TENM3: variants seen among roughly 807,000 people sequenced by gnomAD.
The protein encoded by TENM3 is teneurin transmembrane protein 3, also known as teneurin-3.
A neutral mutation model predicts 255.1 loss-of-function variants in TENM3; 63 were observed. The ratio of observed to expected loss-of-function variants is 0.25; its 90% confidence interval spans 0.20 to 0.30. TENM3 has a LOEUF of 0.30. Ranked by LOEUF, TENM3 falls within the 10% of genes least tolerant of loss-of-function variation. TENM3 has a pLI of 1.00. For missense variants in TENM3, 2,929 were observed against 3,461.1 expected (o/e 0.85, Z 3.86); for synonymous variants, 1,306 against 1,322.3 (o/e 0.99, Z 0.27).
the TENM3 span, among the ~76,000 whole-genome samples, chr4:182,019,481 T>C: frequency 2.0e-5 from 3 of 152,192 alleles, 1 homozygote; most frequent in Middle Eastern, 6.3e-3. Context: ...ATCCCCTCAA[T>C]TCAACACAGA....
intron 20 of TENM3, among the ~76,000 whole-genome samples, chr4:182,752,405 GCTT>G (rs1157145181): frequency 6.6e-6 from 1 of 151,916 alleles, no homozygotes; most frequent in African/African-American, 2.4e-5. Flanking sequence ...TGAGTCCCAG[GCTT>G]CTTTAAAACC....
At chr4:181,469,276 C>A in the TENM3 span, among the ~76,000 whole-genome samples, 2 of 152,078 alleles carry the variant, frequency 1.3e-5, no homozygotes, top group Non-Finnish European at 2.9e-5. Context: ...TCACTAAATT[C>A]TCTTTTCTTT....
the TENM3 span, among the ~76,000 whole-genome samples, chr4:181,517,926 G>T: frequency 1.3e-5 from 2 of 152,068 alleles, no homozygotes; most frequent in Non-Finnish European, 2.9e-5. Flanking sequence ...TTTCCAGCAC[G>T]CTCAGGTTCA....
intron 3 of TENM3, among the ~76,000 whole-genome samples, chr4:182,466,639 C>T (rs1295107792): frequency 6.6e-6 from 1 of 151,958 alleles, no homozygotes; most frequent in Non-Finnish European, 1.5e-5. Flanking sequence ...CTCTGCGTGT[C>T]CATTTATCTT....
chr4:181,735,681 T>C, the TENM3 span, among the ~76,000 whole-genome samples: 2 of 152,058 alleles, frequency 1.3e-5, no homozygotes, highest in Non-Finnish European at 2.9e-5. Context: ...AATAAATAGA[T>C]TTTACACAGC....
At chr4:182,150,375 T>C (rs1750258930) in intron 1 of TENM3, among the ~76,000 whole-genome samples, 1 of 152,114 alleles carries the variant, frequency 6.6e-6, no homozygotes, top group South Asian at 2.1e-4. Context: ...AATTTTGTCA[T>C]TTATTTTAAT....
intron 2 of TENM3, among the ~76,000 whole-genome samples, chr4:182,338,083 G>GTCAC (rs1764255284): frequency 1.3e-5 from 2 of 151,966 alleles, no homozygotes; most frequent in African/African-American, 4.8e-5. Flanking sequence ...ATCTATGTAT[G>GTCAC]TCACTGCCTA....
At chr4:182,672,956 G>A (rs542611863) in intron 6 of TENM3, 49 bp from the exon 7 acceptor site, 2 of 1,350,118 alleles carry the variant, frequency 1.5e-6, no homozygotes, top group African/African-American at 1.5e-5. Flanking sequence ...TTTTTGTTTT[G>A]TTTTTTTAAA....
rs987755986 is a variant in TENM3, at chr4:182,787,200, G to T, written c.5305-1893G>T. On this transcript the variant is annotated intron_variant, in intron 24 of 27. Coordinates refer to ENST00000511685, the MANE Select transcript of TENM3 (RefSeq NM_001080477.4). ...AAGCTCAGAAAGCCTCCAGCTGGCT[G>T]GTCAGAATCGAATAAAACTCACTGA... Among the ~76,000 whole-genome samples, 2 of 152,318 alleles carry T rather than the reference G, an allele frequency of 1.3e-5. 1 individual carries two copies. Among genetic ancestry groups the T allele is most frequent in the African/African-American group, 4.8e-5 (2 of 41,576 alleles).
chr4:182,742,542 G>A (rs997110174), intron 18 of TENM3, among the ~76,000 whole-genome samples: 15 of 152,192 alleles, frequency 9.9e-5, no homozygotes, highest in African/African-American at 3.6e-4. Flanking sequence ...GGAGTTTGAT[G>A]TCTATTTTCT....
At chr4:182,363,202 G>T (rs1478531314) in intron 3 of TENM3, among the ~76,000 whole-genome samples, 1 of 152,082 alleles carries the variant, frequency 6.6e-6, no homozygotes, top group African/African-American at 2.4e-5. Flanking sequence ...AGAACTATAG[G>T]ATTGCTGTCA....
intron 3 of TENM3, among the ~76,000 whole-genome samples, chr4:182,521,438 A>G (rs1738559790): frequency 6.6e-6 from 1 of 152,210 alleles, no homozygotes; most frequent in African/African-American, 2.4e-5. Flanking sequence ...CTTTTGGAAC[A>G]ATGCTTTTTC....
At chr4:182,416,124 A>G (rs75062476) in intron 3 of TENM3, among the ~76,000 whole-genome samples, 4 of 152,232 alleles carry the variant, frequency 2.6e-5, no homozygotes, top group Non-Finnish European at 5.9e-5. Context: ...AATATGGGAA[A>G]TGGGTAGTCT....
At chr4:182,674,670 G>A (rs1755514626) in intron 7 of TENM3, among the ~76,000 whole-genome samples, 1 of 151,960 alleles carries the variant, frequency 6.6e-6, no homozygotes, top group African/African-American at 2.4e-5. Context: ...CAACCTCCTC[G>A]GCTCAGGTGA....
chr4:182,036,481 G>T, the TENM3 span, among the ~76,000 whole-genome samples: 3 of 143,462 alleles, frequency 2.1e-5, no homozygotes, highest in African/African-American at 8.0e-5. Context: ...GTGAACCACC[G>T]CACCCGGCCG....
At chr4:182,083,298 A>C in the TENM3 span, among the ~76,000 whole-genome samples, 1 of 152,230 alleles carries the variant, frequency 6.6e-6, no homozygotes, top group Non-Finnish European at 1.5e-5. Flanking sequence ...AGTTTAATCC[A>C]TCATAAAGCA....
At chr4:182,075,288 T>G in the TENM3 span, among the ~76,000 whole-genome samples, 1 of 149,874 alleles carries the variant, frequency 6.7e-6, no homozygotes, top group Non-Finnish European at 1.5e-5. Context: ...AACCTCTGCC[T>G]CCTGGGTTCA....
the TENM3 span, among the ~76,000 whole-genome samples, chr4:181,768,081 G>A: frequency 6.6e-6 from 1 of 152,344 alleles, no homozygotes; most frequent in Admixed American, 6.5e-5. Context: ...ATGCGGATGT[G>A]AATATCAAGA....
intron 18 of TENM3, among the ~76,000 whole-genome samples, chr4:182,739,277 T>G (rs547110404): frequency 6.6e-6 from 1 of 152,320 alleles, no homozygotes; most frequent in Admixed American, 6.5e-5. Context: ...TTGCAAAATA[T>G]GACCAGCTTA....
Sources: gnomAD v4.1 joint callset for allele counts (sites outside exome capture counted in the v4.1 genomes callset) on GRCh38, gnomAD v4.1.1 for gene constraint, MANE v1.5 for transcripts, NCBI Gene and HGNC (gene_info 2026-07-23, HGNC 2026-07-21) for gene names.